The following FGF13 variants were observed in gnomAD, a reference collection of about 807,000 sequenced individuals.
FGF13 encodes the protein fibroblast growth factor homologous factor 2.
FGF13 carries 2 observed loss-of-function variants against 19.5 expected under a neutral mutation model. The ratio of observed to expected loss-of-function variants is 0.10; its 90% CI spans 0.04 to 0.32. The LOEUF (loss-of-function observed/expected upper bound fraction) is 0.32, where lower values mean the gene tolerates loss of function less well. Among genes scored for constraint, FGF13 ranks in the 10% least tolerant of loss-of-function variants. FGF13 has a pLI of 1.00. For synonymous variants in FGF13, 72 were observed against 76.9 expected (o/e 0.94, Z 0.33); for missense variants, 113 against 192.7 (o/e 0.59, Z 2.45).
intron 1 of FGF13, among the ~76,000 whole-genome samples, chrX:139,092,311 C>A (rs2083444309): frequency 8.9e-6 from 1 of 112,574 alleles, no homozygotes; most frequent in Non-Finnish European, 1.9e-5. Context: ...TCCTTCTATT[C>A]CAGCCTGCAT....
At chrX:138,956,088 G>A (rs779362876) in intron 1 of FGF13, among the ~76,000 whole-genome samples, 4 of 111,681 alleles carry the variant, frequency 3.6e-5, no homozygotes, top group African/African-American at 9.8e-5. Flanking sequence ...AGCTTAGGTC[G>A]TTTTGCCAGT....
At chrX:138,773,243 G>A (rs2090562384) in intron 3 of FGF13, among the ~76,000 whole-genome samples, 2 of 111,179 alleles carry the variant, frequency 1.8e-5, no homozygotes, top group South Asian at 7.6e-4. Flanking sequence ...ACCCCACAAT[G>A]TATAGTGTGC....
chrX:138,790,948 C>A (rs1339049375), intron 3 of FGF13, among the ~76,000 whole-genome samples: 1 of 111,976 alleles, frequency 8.9e-6, no homozygotes, highest in Non-Finnish European at 1.9e-5. Context: ...AGTTCCATAT[C>A]TGCAGATTCA....
intron 1 of FGF13, among the ~76,000 whole-genome samples, chrX:139,066,148 G>C (rs965141306): frequency 5.4e-5 from 6 of 111,746 alleles, no homozygotes; most frequent in African/African-American, 2.0e-4. Flanking sequence ...CAACATACTA[G>C]AATCTCTGGG....
rs1363710665 is a variant in FGF13, at chrX:138,626,016, G to C, written c.*6834C>G. On this transcript the variant is annotated 3_prime_UTR_variant, in exon 5 of 5. Coordinates refer to ENST00000315930, the MANE Select transcript of FGF13 (RefSeq NM_004114.5). ...CAATCTTCTATAGCCTAATAGGCAAGGTTGTGAATCATACTTTGCTCAGAG... is the reference window on the plus strand; with the variant it reads ...CAATCTTCTATAGCCTAATAGGCAACGTTGTGAATCATACTTTGCTCAGAG... 1 of 111,406 alleles carries C rather than the reference G, an allele frequency of 9.0e-6. No homozygotes were observed. The highest frequency in any genetic ancestry group is 1.9e-5 in the Non-Finnish European group (1 of 53,168). 9.2% of individuals were successfully genotyped at this position (111,406 alleles called of 1,213,427 possible). A position where few individuals can be genotyped will look rare whatever the true frequency, so the allele number is the denominator to read the frequency against.
intron 1 of FGF13, among the ~76,000 whole-genome samples, chrX:139,113,714 T>C (rs2083619811): frequency 8.9e-6 from 1 of 111,971 alleles, no homozygotes; most frequent in Admixed American, 9.5e-5. Flanking sequence ...CTTTTAATTG[T>C]TGAATAAGTG....
chrX:138,903,998 G>C (rs182363796), intron 1 of FGF13, among the ~76,000 whole-genome samples: 1 of 111,382 alleles, frequency 9.0e-6, no homozygotes, highest in East Asian at 2.8e-4. Flanking sequence ...AATGGATAGA[G>C]ATTGATTCTC....
chrX:139,143,265 CAT>C (rs2083861038), intron 1 of FGF13, among the ~76,000 whole-genome samples: 1 of 111,417 alleles, frequency 9.0e-6, no homozygotes, highest in South Asian at 3.8e-4. Flanking sequence ...TTACTGATTC[CAT>C]ATTACTCATG....
At chrX:138,928,992 A>G (rs2091687389) in intron 1 of FGF13, among the ~76,000 whole-genome samples, 1 of 111,650 alleles carries the variant, frequency 9.0e-6, no homozygotes, top group Non-Finnish European at 1.9e-5. Context: ...CTTTCTCTCA[A>G]CAATGACTGA....
chrX:138,942,369 C>A (rs1314808509), intron 1 of FGF13, among the ~76,000 whole-genome samples: 1 of 111,929 alleles, frequency 8.9e-6, no homozygotes, highest in Non-Finnish European at 1.9e-5. Context: ...GAAAGATGCC[C>A]TCCAAACAAC....
intron 1 of FGF13, among the ~76,000 whole-genome samples, chrX:139,054,578 T>C (rs773121360): frequency 2.7e-5 from 3 of 111,440 alleles, no homozygotes; most frequent in Admixed American, 1.9e-4. Context: ...CCCATATGAA[T>C]TTTAGGATTG....
At chrX:139,172,650 G>A (rs1283756368) in intron 1 of FGF13, among the ~76,000 whole-genome samples, 2 of 111,868 alleles carry the variant, frequency 1.8e-5, no homozygotes, top group African/African-American at 6.5e-5. Context: ...TCTGAGGACA[G>A]TTTAGGTAGT....
At chrX:138,721,918 ATTCCTTTATC>A (rs1330625464) in intron 1 of FGF13, among the ~76,000 whole-genome samples, 1 of 110,549 alleles carries the variant, frequency 9.0e-6, no homozygotes, top group Non-Finnish European at 1.9e-5. Flanking sequence ...TAAGAGTTTT[ATTCCTTTATC>A]TTACTGAACA....
At chrX:138,874,155 AAT>A (rs746792067) in intron 1 of FGF13, among the ~76,000 whole-genome samples, 4,167 of 98,083 alleles carry the variant, frequency 0.042, 81 homozygotes, top group African/African-American at 0.056. Context: ...AAGTATAATA[AAT>A]ATATATATAT....
chrX:139,057,926 G>T (rs1335089306), intron 1 of FGF13, among the ~76,000 whole-genome samples: 1 of 111,886 alleles, frequency 8.9e-6, no homozygotes, highest in Non-Finnish European at 1.9e-5. Flanking sequence ...CTGGGGTGCT[G>T]TTAATGTTAT....
chrX:139,079,466 A>G (rs947573064), intron 1 of FGF13, among the ~76,000 whole-genome samples: 1 of 111,394 alleles, frequency 9.0e-6, no homozygotes, highest in Admixed American at 9.6e-5. Flanking sequence ...TCTTCAGAAT[A>G]TATATTATGA....
At chrX:138,995,537 CACAA>C (rs2092038450) in intron 1 of FGF13, among the ~76,000 whole-genome samples, 1 of 111,842 alleles carries the variant, frequency 8.9e-6, no homozygotes, top group South Asian at 3.7e-4. Context: ...ATTTAGTTCC[CACAA>C]ACAAATGAGA....
chrX:138,929,854 CTGTGTGTGTGTGTGTGTGTG>C (rs577806507), intron 1 of FGF13, among the ~76,000 whole-genome samples: 41 of 96,287 alleles, frequency 4.3e-4, no homozygotes, highest in African/African-American at 1.5e-3. Flanking sequence ...ACTGCCTTAG[CTGTGTGTGTGTGTGTGTGTG>C]TGTGTGTGTG....
intron 1 of FGF13, among the ~76,000 whole-genome samples, chrX:139,152,510 G>A (rs1211450645): frequency 1.8e-5 from 2 of 109,806 alleles, no homozygotes; most frequent in East Asian, 5.8e-4. Context: ...CAACAAATAT[G>A]TGGGGGGAAA....
Sources: allele counts gnomAD v4.1 joint callset (sites outside exome capture counted in the v4.1 genomes callset), GRCh38; gene constraint gnomAD v4.1.1; transcripts MANE v1.5; gene names NCBI Gene and HGNC (gene_info 2026-07-23, HGNC 2026-07-21).